Variants in ASIP observed in about 807,000 individuals in gnomAD.
ASIP encodes agouti-signaling protein.
A neutral mutation model predicts 10.3 loss-of-function variants in ASIP; 11 were observed. The ratio of observed to expected loss-of-function variants is 1.07; its 90% CI spans 0.68 to 1.78. The LOEUF is 1.78. ASIP is among the 40% of genes most tolerant of loss of function. The pLI is 0.00. For synonymous variants in ASIP, 70 were observed against 70.8 expected, an observed-to-expected ratio of 0.99 and a Z score of 0.06; for missense variants, 180 against 169.2, an observed-to-expected ratio of 1.06 and a Z score of -0.35.
In ASIP at chr20:34,232,453, C is replaced by T. The variant is rs181244183; in HGVS notation, c.-10-27912C>T. 3.7e-4 allele frequency among the ~76,000 whole-genome samples: 56 copies of T among 152,198 alleles called. 1 individual carries two copies. The highest frequency in any genetic ancestry group is 6.8e-3 in the Middle Eastern group (2 of 294). Reference sequence around the variant, plus strand: ...GATTAGTAGAGGTTGGAACCAAATCCGTCCAATTTATCTCATACAGCATAG... The same window carrying T: ...GATTAGTAGAGGTTGGAACCAAATCTGTCCAATTTATCTCATACAGCATAG... On this transcript the variant is annotated intron_variant, in intron 1 of 3. Coordinates refer to the ASIP transcript ENST00000568305.
intron 1 of ASIP, among the ~76,000 whole-genome samples, chr20:34,218,639 T>C (rs2035025193): frequency 6.6e-6 from 1 of 151,954 alleles, no homozygotes; most frequent in Admixed American, 6.6e-5. Context: ...ATCAGGCTGG[T>C]GGAGATGGCA....
At chr20:34,257,177 G>C (rs2035588477) in intron 1 of ASIP, among the ~76,000 whole-genome samples, 1 of 150,928 alleles carries the variant, frequency 6.6e-6, no homozygotes, top group African/African-American at 2.4e-5. Context: ...TCCTCCCCCT[G>C]GGTTCAGGCG....
intron 2 of ASIP, among the ~76,000 whole-genome samples, chr20:34,262,371 A>C (rs1174597336): frequency 6.6e-6 from 1 of 152,206 alleles, no homozygotes; most frequent in African/African-American, 2.4e-5. Flanking sequence ...TCAGGATTCA[A>C]ATCAGGTCCT....
intron 1 of ASIP, chr20:34,213,570 G>A: frequency 6.5e-7 from 1 of 1,547,856 alleles, no homozygotes; most frequent in South Asian, 1.2e-5. Flanking sequence ...GCAGGGGCAT[G>A]AACATCTGTT....
In ASIP at chr20:34,230,702, C is replaced by T. The variant is rs375250670; in HGVS notation, c.-10-29663C>T. 5.1e-4 allele frequency among the ~76,000 whole-genome samples: 17 copies of T among 33,088 alleles called. 6 individuals are homozygous for T. The South Asian group carries it at 0.015, about 28-fold the overall frequency. 21.7% of individuals were successfully genotyped at this position (33,088 alleles called of 152,430 possible). A position where few individuals can be genotyped will look rare whatever the true frequency, so the allele number is the denominator to read the frequency against. ...GGCACCCCTCACCTCCCGGAAGGGG[C>T]GGCTGGCCGGGCGGGGGGCTGACCC... is the stretch of plus-strand genomic sequence containing the variant. On this transcript the variant is annotated intron_variant, in intron 1 of 3. Transcript: ENST00000568305.
chr20:34,196,631 G>A (rs2034859271), intron 1 of ASIP, among the ~76,000 whole-genome samples: 1 of 152,144 alleles, frequency 6.6e-6, no homozygotes, highest in Non-Finnish European at 1.5e-5. Flanking sequence ...CTTGTGTTGG[G>A]GAGATTTATT....
chr20:34,239,517 T>A (rs1281845558), upstream of ASIP, among the ~76,000 whole-genome samples: 1 of 152,220 alleles, frequency 6.6e-6, no homozygotes, highest in Non-Finnish European at 1.5e-5. Context: ...GTGGGTCATA[T>A]AATGAACTAA....
At chr20:34,219,725 A>T (rs2035032509) in intron 1 of ASIP, among the ~76,000 whole-genome samples, 1 of 152,250 alleles carries the variant, frequency 6.6e-6, no homozygotes, top group South Asian at 2.1e-4. Flanking sequence ...CAGAGCACAG[A>T]AATGTTAACA....
At chr20:34,217,855 G>A (rs1418843673) in intron 1 of ASIP, among the ~76,000 whole-genome samples, 2 of 152,156 alleles carry the variant, frequency 1.3e-5, no homozygotes, top group Non-Finnish European at 2.9e-5. Context: ...GAGCCACCGC[G>A]CCCAGCCCGC....
At chr20:34,221,316 TAA>T (rs2035045994) in intron 1 of ASIP, among the ~76,000 whole-genome samples, 1 of 151,438 alleles carries the variant, frequency 6.6e-6, no homozygotes, top group Non-Finnish European at 1.5e-5. Flanking sequence ...AGGCGGAGCT[TAA>T]GGTGAGCCGA....
chr20:34,190,263 A>G (rs752345896), upstream of ASIP, among the ~76,000 whole-genome samples: 6 of 152,202 alleles, frequency 3.9e-5, no homozygotes, highest in Non-Finnish European at 5.9e-5. Context: ...TCGTTTTACC[A>G]GGTATTTTAT....
At chr20:34,238,074 T>C (rs1217031607), upstream of ASIP, among the ~76,000 whole-genome samples, 1 of 152,230 alleles carries the variant, frequency 6.6e-6, no homozygotes, top group Non-Finnish European at 1.5e-5. Flanking sequence ...TCCAAGATTT[T>C]ATCTTTGGTT....
chr20:34,216,355 G>T (rs937900647), intron 1 of ASIP, among the ~76,000 whole-genome samples: 1 of 152,226 alleles, frequency 6.6e-6, no homozygotes, highest in Non-Finnish European at 1.5e-5. Flanking sequence ...AGTGCGGGCG[G>T]CAGCCCGCGG....
chr20:34,250,526 G>A (rs1157601365), intron 1 of ASIP, among the ~76,000 whole-genome samples: 2 of 152,078 alleles, frequency 1.3e-5, no homozygotes, highest in East Asian at 1.9e-4. Context: ...GGCCGAGCAC[G>A]GTGGCTCACA....
At position 34,235,866 on chromosome 20, in the gene ASIP, A is replaced by AAGGG. The variant is rs1349467682; in HGVS notation, c.-10-24498_-10-24497insGGGA. On this transcript the variant is annotated intron_variant, in intron 1 of 3. Coordinates refer to the ASIP transcript ENST00000568305. ...GAAGGAAGGAAGGAAGGAAGGAAGG[A>AAGGG]AAGGAAGGAAGGAAGGAAGGAAGGA... Among the ~76,000 whole-genome samples, 97 of 36,842 alleles carry AAGGG rather than the reference A, an allele frequency of 2.6e-3. 1 individual carries two copies. The highest frequency in any genetic ancestry group is 0.02 in the Middle Eastern group (1 of 50). The allele number at this position is 36,842 out of a possible 152,430, so 24.2% of individuals were successfully genotyped here. A position where few individuals can be genotyped will look rare whatever the true frequency, so the allele number is the denominator to read the frequency against.
At chr20:34,213,238 G>T (rs2034985848) in intron 1 of ASIP, among the ~76,000 whole-genome samples, 1 of 152,108 alleles carries the variant, frequency 6.6e-6, no homozygotes, top group South Asian at 2.1e-4. Flanking sequence ...CAGCAAAAAA[G>T]GCCCTCACCA....
chr20:34,202,877 C>T lies in ASIP; in HGVS notation c.-11+8117C>T, dbSNP rs540615567. On this transcript the variant is annotated intron_variant, in intron 1 of 3. Coordinates refer to the ASIP transcript ENST00000568305. Reference sequence around the variant, plus strand: ...AGGCTGGAGTGCAGCGGCATGATCTCGGCTCACTGCAAGCTCCGCCTCCCA... The same window carrying T: ...AGGCTGGAGTGCAGCGGCATGATCTTGGCTCACTGCAAGCTCCGCCTCCCA... Among the ~76,000 whole-genome samples, 567 of 138,858 alleles carry T rather than the reference C, an allele frequency of 4.1e-3. 4 individuals carry two copies. Among genetic ancestry groups the T allele is most frequent in the Middle Eastern group, 0.016 (4 of 244 alleles). 91.1% of individuals were successfully genotyped at this position (138,858 alleles called of 152,430 possible).
intron 2 of ASIP, 83 bp downstream of exon 2, chr20:34,260,617 C>T (rs2035674065): frequency 1.4e-6 from 2 of 1,406,434 alleles, no homozygotes; most frequent in Non-Finnish European, 1.9e-6. Context: ...TACCAGGATC[C>T]ACCGCCATGG....
intron 1 of ASIP, among the ~76,000 whole-genome samples, chr20:34,201,802 A>T (rs1348683719): frequency 6.6e-6 from 1 of 152,208 alleles, no homozygotes; most frequent in Non-Finnish European, 1.5e-5. Context: ...GCTAAGTTGC[A>T]TTCAACATAC....
Sources: allele counts gnomAD v4.1 joint callset (sites outside exome capture counted in the v4.1 genomes callset), GRCh38; gene constraint gnomAD v4.1.1; transcripts MANE v1.5; gene names NCBI Gene and HGNC (gene_info 2026-07-23, HGNC 2026-07-21).